LIN7A: variants seen among roughly 807,000 people sequenced by gnomAD.
LIN7A encodes lin-7 cell polarity scaffold A.
A neutral mutation model predicts 29.8 loss-of-function variants in LIN7A; 25 were observed. The observed-to-expected ratio is 0.84, with a 90% CI of 0.61 to 1.17. The LOEUF is 1.17. Among genes scored for constraint, LIN7A ranks in the 50% most tolerant of loss-of-function variants. LIN7A has a pLI of 0.00. For synonymous variants in LIN7A, 118 were observed against 107.5 expected (o/e 1.10, Z -0.60); for missense variants, 239 against 287.0 (o/e 0.83, Z 1.21).
intron 1 of LIN7A, among the ~76,000 whole-genome samples, chr12:80,933,309 G>A (rs1297254672): frequency 1.3e-5 from 2 of 152,068 alleles, no homozygotes; most frequent in East Asian, 1.9e-4. Context: ...GGTAATTTCA[G>A]TTTTTGATCA....
chr12:80,832,575 T>C (rs775889501), intron 4 of LIN7A: 3 of 475,072 alleles, frequency 6.3e-6, no homozygotes, highest in Middle Eastern at 3.3e-4. Flanking sequence ...ACTTACCATT[T>C]GAAGGTGGTA....
chr12:80,890,042 T>C (rs1875543795), intron 1 of LIN7A, among the ~76,000 whole-genome samples: 1 of 152,134 alleles, frequency 6.6e-6, no homozygotes, highest in Non-Finnish European at 1.5e-5. Context: ...TCTGATCATG[T>C]GCCCATCTAC....
At chr12:80,907,668 G>A (rs1203659687) in intron 1 of LIN7A, among the ~76,000 whole-genome samples, 1 of 152,046 alleles carries the variant, frequency 6.6e-6, no homozygotes, top group African/African-American at 2.4e-5. Flanking sequence ...AAAAGGCTAT[G>A]GAAAAAAAGT....
At chr12:80,936,571 A>G (rs1426668019) in intron 1 of LIN7A, 2 of 152,154 alleles carry the variant, frequency 1.3e-5, no homozygotes, top group East Asian at 1.9e-4. Context: ...GCGGCTGCGG[A>G]GAGGGACTAG....
At chr12:80,878,607 G>A (rs1293777134) in intron 2 of LIN7A, among the ~76,000 whole-genome samples, 3 of 152,218 alleles carry the variant, frequency 2.0e-5, no homozygotes, top group Non-Finnish European at 4.4e-5. Flanking sequence ...TACGGAAAGA[G>A]ATCTGAGCGG....
chr12:80,801,897 CTTT>C (rs538377751), intron 5 of LIN7A, among the ~76,000 whole-genome samples: 8 of 138,616 alleles, frequency 5.8e-5, no homozygotes, highest in African/African-American at 1.4e-4. Flanking sequence ...ATGAGTCTAA[CTTT>C]TTTTTTTTTT....
intron 2 of LIN7A, among the ~76,000 whole-genome samples, chr12:80,873,973 A>G (rs1874557826): frequency 6.6e-6 from 1 of 152,032 alleles, no homozygotes; most frequent in South Asian, 2.1e-4. Flanking sequence ...GGTGCTAGCA[A>G]ATAGGGAATA....
In LIN7A at chr12:80,879,025, A is replaced by G. The variant is rs370316070; in HGVS notation, c.201+10226T>C. Among the ~76,000 whole-genome samples the G allele has an allele frequency of 3.3e-5, 5 of 152,224 alleles. No individual in the cohort carries two copies. The South Asian group carries it at 6.2e-4, about 19-fold the overall frequency. On this transcript the variant is annotated intron_variant, in intron 2 of 5. Transcript: ENST00000552864. ...TAGTATTATTTTTATCAATTTAAAA[A>G]TCTTCATAGTACTTGTCTTTCTTAC...
chr12:80,836,003 A>T (rs1872575345), intron 4 of LIN7A, among the ~76,000 whole-genome samples: 1 of 152,176 alleles, frequency 6.6e-6, no homozygotes, highest in Admixed American at 6.5e-5. Context: ...TAATAAGCTA[A>T]CAGAAAAAAA....
chr12:80,906,713 G>A (rs1344833408), intron 1 of LIN7A, among the ~76,000 whole-genome samples: 2 of 151,966 alleles, frequency 1.3e-5, no homozygotes, highest in African/African-American at 2.4e-5. Context: ...ACCACCTATC[G>A]GGTACCATGC....
At chr12:80,912,068 G>T (rs2120808642) in intron 1 of LIN7A, among the ~76,000 whole-genome samples, 1 of 152,154 alleles carries the variant, frequency 6.6e-6, no homozygotes, top group African/African-American at 2.4e-5. Context: ...TCTTATATGT[G>T]CATCTCAGTG....
intron 4 of LIN7A, among the ~76,000 whole-genome samples, chr12:80,841,286 G>A (rs546119572): frequency 6.7e-6 from 1 of 149,560 alleles, no homozygotes. Flanking sequence ...GTGAGACCAT[G>A]AGAAAGAAAG....
chr12:80,826,359 G>A (rs547813702), intron 4 of LIN7A, among the ~76,000 whole-genome samples: 1 of 152,252 alleles, frequency 6.6e-6, no homozygotes, highest in African/African-American at 2.4e-5. Context: ...CCCTCCTGGG[G>A]ACATCTTCCC....
At chr12:80,884,816 A>G (rs891354797) in intron 2 of LIN7A, among the ~76,000 whole-genome samples, 3 of 152,174 alleles carry the variant, frequency 2.0e-5, no homozygotes, top group African/African-American at 7.2e-5. Context: ...CTTGGTGATT[A>G]TGACATTGTG....
At chr12:80,854,561 G>A (rs1319318795) in intron 2 of LIN7A, among the ~76,000 whole-genome samples, 6 of 149,502 alleles carry the variant, frequency 4.0e-5, no homozygotes, top group East Asian at 2.0e-4. Flanking sequence ...AAAACAATAC[G>A]GATAGAAAGC....
rs78664481 is a variant in LIN7A, at chr12:80,900,820, T to C, written c.83-11451A>G. ...AACAATGATACCATGTCAAACTCTA[T>C]TTAACAACATTTAGAATTCTTACAA... On this transcript the variant is annotated intron_variant, in intron 1 of 5. Coordinates refer to ENST00000552864, the MANE Select transcript of LIN7A (RefSeq NM_004664.4). Among the ~76,000 whole-genome samples the C allele has an allele frequency of 1.8e-4, 28 of 152,308 alleles. No homozygotes were observed. In the East Asian group the frequency reaches 5.4e-3, roughly 29 times the overall value.
chr12:80,878,778 A>G (rs1874864299), intron 2 of LIN7A, among the ~76,000 whole-genome samples: 1 of 152,114 alleles, frequency 6.6e-6, no homozygotes, highest in South Asian at 2.1e-4. Flanking sequence ...ACAAACCTCT[A>G]GCCACAGAGA....
At chr12:80,878,327 T>C (rs1424950256) in intron 2 of LIN7A, among the ~76,000 whole-genome samples, 1 of 152,220 alleles carries the variant, frequency 6.6e-6, no homozygotes, top group Non-Finnish European at 1.5e-5. Flanking sequence ...GAACTATAAC[T>C]ATACTTTAAA....
intron 1 of LIN7A, among the ~76,000 whole-genome samples, chr12:80,922,943 G>A (rs34613244): frequency 0.18 from 27,527 of 151,922 alleles, 4,298 homozygotes; most frequent in African/African-American, 0.4. Flanking sequence ...GCCCCCGGGG[G>A]TCTTGGCACA....
Sources: allele counts gnomAD v4.1 joint callset (sites outside exome capture counted in the v4.1 genomes callset), GRCh38; gene constraint gnomAD v4.1.1; transcripts MANE v1.5; gene names NCBI Gene and HGNC (gene_info 2026-07-23, HGNC 2026-07-21).